The following PIK3C2G variants were observed in gnomAD, a reference collection of about 807,000 sequenced individuals.
PIK3C2G encodes phosphatidylinositol-4-phosphate 3-kinase catalytic subunit type 2 gamma, also known as phosphatidylinositol 3-kinase C2 domain-containing subunit gamma.
PIK3C2G carries 168 observed loss-of-function variants against 181.1 expected under a neutral mutation model. The observed-to-expected ratio is 0.93, with a 90% CI of 0.82 to 1.05. The LOEUF (loss-of-function observed/expected upper bound fraction) is 1.05, where lower values mean the gene tolerates loss of function less well. Ranked by LOEUF, PIK3C2G falls within the 50% of genes least tolerant of loss-of-function variation. The pLI is 0.00. For missense variants in PIK3C2G, 1,869 were observed against 1,732.8 expected, an observed-to-expected ratio of 1.08 and a Z score of -1.40; for synonymous variants, 573 against 592.2, an observed-to-expected ratio of 0.97 and a Z score of 0.47.
intron 29 of PIK3C2G, among the ~76,000 whole-genome samples, chr12:18,580,015 C>G (rs1322400364): frequency 6.6e-6 from 1 of 151,958 alleles, no homozygotes; most frequent in Non-Finnish European, 1.5e-5. Flanking sequence ...CACCTGTAGT[C>G]CCAGCTACTT....
chr12:18,315,399 G>GA (rs200373770), intron 6 of PIK3C2G, among the ~76,000 whole-genome samples: 26 of 150,498 alleles, frequency 1.7e-4, no homozygotes, highest in Admixed American at 2.7e-4. Flanking sequence ...TCAATGTTGA[G>GA]AAAAAAAAAG....
At position 18,266,422 on chromosome 12, in the gene PIK3C2G, G is replaced by A. The variant is rs552555604; in HGVS notation, c.-79+4845G>A. Reference sequence around the variant, plus strand: ...CAGTTTTAGTTGAAATATAATCTAAGACTCCACCTTGCTCATTAATACGGA... The same window carrying A: ...CAGTTTTAGTTGAAATATAATCTAAAACTCCACCTTGCTCATTAATACGGA... On this transcript the variant is annotated intron_variant, in intron 1 of 32. Transcript: ENST00000538779. 1.2e-4 allele frequency among the ~76,000 whole-genome samples: 19 copies of A among 152,142 alleles called. No homozygotes were observed. In the South Asian group the frequency reaches 3.7e-3, roughly 30 times the overall value.
At chr12:18,660,647 G>C in the PIK3C2G span, among the ~76,000 whole-genome samples, 1 of 152,066 alleles carries the variant, frequency 6.6e-6, no homozygotes. Flanking sequence ...GCACAGAGAA[G>C]CCTATATCAA....
chr12:18,614,686 A>T (rs753268691), intron 31 of PIK3C2G, among the ~76,000 whole-genome samples: 11 of 152,148 alleles, frequency 7.2e-5, no homozygotes, highest in African/African-American at 2.7e-4. Context: ...TTTCCTAAGA[A>T]ATTTTATCCA....
chr12:18,311,045 A>G (rs1950615332), intron 5 of PIK3C2G, among the ~76,000 whole-genome samples: 1 of 152,144 alleles, frequency 6.6e-6, no homozygotes, highest in South Asian at 2.1e-4. Flanking sequence ...TATCTCTTTT[A>G]TTTTGTAGAG....
rs1941131161 is a variant in PIK3C2G at position 18,497,746 on chromosome 12, A to G, written c.3014A>G (p.Gln1005Arg). The G allele has an allele frequency of 3.1e-6, 5 of 1,611,520 alleles. No homozygotes were observed. The highest frequency in any genetic ancestry group is 3.4e-6 in the Non-Finnish European group (4 of 1,178,456). ...AGATGTCTATCCACAGGAAAAGACC[A>G]AGGTCAGTATAGATTAGAAAGTGCG... is the stretch of plus-strand genomic sequence containing the variant. ...IYRCLSTGKDQGLVQMVPDAV... is the reference protein window; with the variant it reads ...IYRCLSTGKDRGLVQMVPDAV... The change falls in exon 22 of 33, where the codon CAA becomes CGA. Residue 1005 changes from glutamine (Q) to arginine (R), a missense_variant and splice_region_variant. Gln to Arg is a conservative substitution (Grantham distance 43). Transcript: ENST00000538779.
intron 32 of PIK3C2G, among the ~76,000 whole-genome samples, chr12:18,642,092 G>T (rs1172429331): frequency 1.3e-5 from 2 of 152,108 alleles, no homozygotes; most frequent in East Asian, 3.9e-4. Context: ...CCATCTGAAT[G>T]TCTCATAGGC....
chr12:18,480,921 A>ATT (rs1475494233), intron 18 of PIK3C2G, among the ~76,000 whole-genome samples: 1 of 151,512 alleles, frequency 6.6e-6, no homozygotes, highest in Non-Finnish European at 1.5e-5. Flanking sequence ...TGAGTTTTTT[A>ATT]TTTTTTTATT....
intron 5 of PIK3C2G, among the ~76,000 whole-genome samples, chr12:18,303,405 G>A (rs987941878): frequency 6.6e-6 from 1 of 151,236 alleles, no homozygotes; most frequent in Admixed American, 6.6e-5. Context: ...CATGATCTTG[G>A]CTCACCGCAA....
chr12:18,408,862 C>G (rs1190590784), intron 16 of PIK3C2G, among the ~76,000 whole-genome samples: 14 of 152,080 alleles, frequency 9.2e-5, no homozygotes, highest in Admixed American at 4.6e-4. Context: ...CATCTCAGGA[C>G]AGTTAGAATG....
intron 9 of PIK3C2G, among the ~76,000 whole-genome samples, chr12:18,342,952 T>C (rs1448805365): frequency 6.6e-6 from 1 of 152,122 alleles, no homozygotes; most frequent in Non-Finnish European, 1.5e-5. Context: ...TTTTTGGTGC[T>C]GTCCAAAGCT....
intron 8 of PIK3C2G, among the ~76,000 whole-genome samples, chr12:18,326,131 A>C (rs1315853620): frequency 6.6e-6 from 1 of 152,136 alleles, no homozygotes; most frequent in Non-Finnish European, 1.5e-5. Flanking sequence ...CTGCTGACTG[A>C]CTCTGTGGAG....
chr12:18,699,465 C>A, the PIK3C2G span, among the ~76,000 whole-genome samples: 4 of 152,108 alleles, frequency 2.6e-5, no homozygotes, highest in African/African-American at 9.7e-5. Context: ...AAAGTTCAAG[C>A]CTTCTAATTC....
intron 20 of PIK3C2G, 39 bp from the exon 21 acceptor site, chr12:18,496,023 T>G (rs1467277138): frequency 2.7e-6 from 3 of 1,118,458 alleles, no homozygotes; most frequent in Non-Finnish European, 2.5e-6. Flanking sequence ...GGGTCTGATT[T>G]ATTTTGCTCA....
rs1180310082 is a variant in PIK3C2G at position 18,566,102 on chromosome 12, A to G, written c.3903-847A>G. ...AATAAAATGTTCATTGTTAAAATAT[A>G]CAAGCATAGAGTTTTGGACTTTCCT... is the stretch of plus-strand genomic sequence containing the variant. On this transcript the variant is annotated intron_variant, in intron 28 of 32. Coordinates refer to ENST00000538779, the MANE Select transcript of PIK3C2G (RefSeq NM_001288772.2). 2.0e-5 allele frequency among the ~76,000 whole-genome samples: 3 copies of G among 152,214 alleles called. No individual in the cohort carries two copies. In the East Asian group the frequency reaches 5.8e-4, roughly 29 times the overall value.
the PIK3C2G span, among the ~76,000 whole-genome samples, chr12:18,692,041 A>T: frequency 8.5e-4 from 129 of 152,254 alleles, no homozygotes; most frequent in African/African-American, 2.9e-3. Context: ...CGATGGTGGA[A>T]AAAGGAGCTG....
chr12:18,300,689 CCTTT>C (rs991813293), intron 5 of PIK3C2G, among the ~76,000 whole-genome samples: 1 of 151,758 alleles, frequency 6.6e-6, no homozygotes, highest in African/African-American at 2.4e-5. Flanking sequence ...ATCTTTTGTT[CCTTT>C]CTTTCTCTCT....
intron 13 of PIK3C2G, among the ~76,000 whole-genome samples, chr12:18,376,221 A>G (rs932538048): frequency 6.6e-6 from 1 of 152,214 alleles, no homozygotes. Flanking sequence ...CCACAGGGGC[A>G]TAGCTGAGCA....
chr12:18,692,688 G>T, the PIK3C2G span: 1 of 717,294 alleles, frequency 1.4e-6, no homozygotes, highest in Admixed American at 2.7e-5. Flanking sequence ...AATCAGTAAA[G>T]AACAAAATCA....
Sources: allele counts gnomAD v4.1 joint callset (sites outside exome capture counted in the v4.1 genomes callset), GRCh38; gene constraint gnomAD v4.1.1; transcripts MANE v1.5; gene names NCBI Gene and HGNC (gene_info 2026-07-23, HGNC 2026-07-21).